IQCM: variants seen among roughly 807,000 people sequenced by gnomAD.
IQCM encodes the protein IQ motif containing M.
Under a neutral mutation model 57.6 loss-of-function variants are expected in IQCM, and 45 were observed. The observed-to-expected ratio is 0.78, with a 90% CI of 0.62 to 1.00. The LOEUF (loss-of-function observed/expected upper bound fraction) is 1.00. Among genes scored for constraint, IQCM ranks in the 50% least tolerant of loss-of-function variants. IQCM has a pLI of 0.00. For missense variants in IQCM, 468 were observed against 511.6 expected, an observed-to-expected ratio of 0.91 and a Z score of 0.82; for synonymous variants, 148 against 158.9, an observed-to-expected ratio of 0.93 and a Z score of 0.51.
At chr4:149,417,970 A>C (rs1354695315) in intron 13 of IQCM, among the ~76,000 whole-genome samples, 4 of 151,908 alleles carry the variant, frequency 2.6e-5, no homozygotes, top group Non-Finnish European at 5.9e-5. Context: ...AAACAGTGTT[A>C]AGGGGGAAAT....
At chr4:149,602,026 C>T (rs1175211871) in intron 8 of IQCM, among the ~76,000 whole-genome samples, 1 of 143,328 alleles carries the variant, frequency 7.0e-6, no homozygotes, top group Non-Finnish European at 1.5e-5. Flanking sequence ...TGCGCTCCAG[C>T]CTGGGCGACA....
intron 13 of IQCM, among the ~76,000 whole-genome samples, chr4:149,414,055 G>GT (rs1348499222): frequency 6.6e-6 from 1 of 152,100 alleles, no homozygotes; most frequent in Non-Finnish European, 1.5e-5. Context: ...AGATCCAGTG[G>GT]TTTTTTAAAA....
chr4:149,680,251 C>A (rs996714730), intron 7 of IQCM, among the ~76,000 whole-genome samples: 9 of 151,276 alleles, frequency 5.9e-5, no homozygotes, highest in African/African-American at 1.7e-4. Context: ...GCATATTCAA[C>A]CTTCCAATTC....
chr4:149,456,954 C>A (rs751007949), intron 12 of IQCM, among the ~76,000 whole-genome samples: 8 of 152,014 alleles, frequency 5.3e-5, no homozygotes, highest in Non-Finnish European at 1.0e-4. Flanking sequence ...CATGAGATTG[C>A]ATCAATTACC....
intron 13 of IQCM, among the ~76,000 whole-genome samples, chr4:149,380,176 C>A (rs1730979027): frequency 1.3e-5 from 2 of 151,780 alleles, no homozygotes; most frequent in Non-Finnish European, 2.9e-5. Flanking sequence ...ATACAAGGCC[C>A]AAGAAAACCA....
intron 12 of IQCM, among the ~76,000 whole-genome samples, chr4:149,496,280 A>G (rs901479660): frequency 1.3e-5 from 2 of 152,178 alleles, no homozygotes; most frequent in Admixed American, 6.6e-5. Flanking sequence ...GAATCCTGCA[A>G]GGATCTATGG....
In IQCM at chr4:149,686,405, G is replaced by A; in HGVS notation, c.449C>T (p.Ala150Val). 1 of 1,225,504 alleles carries A rather than the reference G, an allele frequency of 8.2e-7. No individual in the cohort carries two copies. Among genetic ancestry groups the A allele is most frequent in the Non-Finnish European group, 1.0e-6 (1 of 982,556 alleles). The allele number at this position is 1,225,504 out of a possible 1,614,324, so 75.9% of individuals were successfully genotyped here. A position where few individuals can be genotyped will look rare whatever the true frequency, so the allele number is the denominator to read the frequency against. The change falls in exon 6 of 14, where the codon GCA becomes GTA. Residue 150 changes from alanine (A) to valine (V), a missense_variant. Coordinates refer to ENST00000636793, the MANE Select transcript of IQCM (RefSeq NM_001363507.2). Reference sequence around the variant, plus strand: ...GGACTCCTCAAAGTGCTGTTGCTTTGCTGTCTCCATTTTTTTACTCACTGG... The same window carrying A: ...GGACTCCTCAAAGTGCTGTTGCTTTACTGTCTCCATTTTTTTACTCACTGG... ...IEPVSKKMET[A>V]KQQHFEESRN...
chr4:149,365,620 T>G (rs1261951616), intron 13 of IQCM, among the ~76,000 whole-genome samples: 1 of 152,190 alleles, frequency 6.6e-6, no homozygotes, highest in Non-Finnish European at 1.5e-5. Flanking sequence ...GTAATCAAGA[T>G]TAATATCACC....
intron 13 of IQCM, among the ~76,000 whole-genome samples, chr4:149,380,871 CAGA>C (rs369739647): frequency 2.6e-5 from 4 of 152,138 alleles, no homozygotes; most frequent in African/African-American, 4.8e-5. Flanking sequence ...CACTTTTGCT[CAGA>C]AGTTCTTATT....
At chr4:149,636,918 T>C (rs1037689249) in intron 7 of IQCM, among the ~76,000 whole-genome samples, 1 of 143,240 alleles carries the variant, frequency 7.0e-6, no homozygotes. Flanking sequence ...CCGAGGCGGG[T>C]GGATCATGAG....
intron 12 of IQCM, among the ~76,000 whole-genome samples, chr4:149,497,926 A>T (rs1465030809): frequency 6.6e-6 from 1 of 152,060 alleles, no homozygotes; most frequent in Non-Finnish European, 1.5e-5. Flanking sequence ...TTCTCCTGCC[A>T]CCAAATTGTA....
At chr4:149,352,884 G>C (rs968091020) in intron 13 of IQCM, among the ~76,000 whole-genome samples, 1 of 152,138 alleles carries the variant, frequency 6.6e-6, no homozygotes, top group Non-Finnish European at 1.5e-5. Context: ...ATAATTTATA[G>C]ATAGGGTAGT....
chr4:149,444,543 G>C (rs144005662), intron 12 of IQCM, among the ~76,000 whole-genome samples: 18 of 151,826 alleles, frequency 1.2e-4, no homozygotes, highest in Admixed American at 7.2e-4. Flanking sequence ...ATTTATAAAC[G>C]TGTATGCAGT....
intron 7 of IQCM, among the ~76,000 whole-genome samples, chr4:149,628,501 G>A (rs906449245): frequency 2.6e-4 from 40 of 152,052 alleles, no homozygotes; most frequent in Admixed American, 2.6e-3. Flanking sequence ...GAATGCAGAA[G>A]AAAAGCATCA....
intron 12 of IQCM, among the ~76,000 whole-genome samples, chr4:149,462,578 G>A (rs919367985): frequency 2.0e-5 from 3 of 152,122 alleles, no homozygotes; most frequent in Non-Finnish European, 4.4e-5. Context: ...ACAGCAATAG[G>A]AGTATTTCCT....
intron 13 of IQCM, among the ~76,000 whole-genome samples, chr4:149,399,530 A>T (rs2111122415): frequency 6.6e-6 from 1 of 152,158 alleles, no homozygotes; most frequent in South Asian, 2.1e-4. Flanking sequence ...TAGCAACAAA[A>T]ATGTAAATAT....
At chr4:149,542,967 C>A (rs1748004711) in intron 12 of IQCM, among the ~76,000 whole-genome samples, 1 of 151,824 alleles carries the variant, frequency 6.6e-6, no homozygotes, top group African/African-American at 2.4e-5. Context: ...TAAGCCCAGG[C>A]AAGCTAACCC....
At chr4:149,803,813 G>C (rs77004288) in intron 2 of IQCM, among the ~76,000 whole-genome samples, 1,541 of 151,652 alleles carry the variant, frequency 0.01, 14 homozygotes, top group Non-Finnish European at 0.017. Context: ...TCTTAAATAG[G>C]GTCTGAGATG....
At chr4:149,659,519 C>T (rs1429577548) in intron 7 of IQCM, among the ~76,000 whole-genome samples, 1 of 152,094 alleles carries the variant, frequency 6.6e-6, no homozygotes, top group African/African-American at 2.4e-5. Context: ...GCCCGCATCG[C>T]CAAGTCAATC....
Sources: allele counts gnomAD v4.1 joint callset (sites outside exome capture counted in the v4.1 genomes callset), GRCh38; gene constraint gnomAD v4.1.1; transcripts MANE v1.5; gene names NCBI Gene and HGNC (gene_info 2026-07-23, HGNC 2026-07-21).